The following CAMK1D variants were observed in gnomAD, a reference collection of about 807,000 sequenced individuals.
The protein encoded by CAMK1D is calcium/calmodulin-dependent protein kinase type 1D.
In CAMK1D, 9 loss-of-function variants were observed where a neutral mutation model predicts 47.7. The observed-to-expected ratio is 0.19, with a 90% confidence interval of 0.11 to 0.33. CAMK1D has a LOEUF of 0.33. Ranked by LOEUF, CAMK1D falls within the 10% of genes least tolerant of loss-of-function variation. The pLI is 1.00. For missense variants in CAMK1D, 291 were observed against 488.7 expected (o/e 0.60, Z 3.81); for synonymous variants, 184 against 184.9 (o/e 0.99, Z 0.04).
chr10:12,805,029 T>C (rs1179595581), intron 6 of CAMK1D, among the ~76,000 whole-genome samples: 1 of 150,710 alleles, frequency 6.6e-6, no homozygotes, highest in Non-Finnish European at 1.5e-5. Context: ...GGGAGGCCGA[T>C]GTAGGCGGAT....
chr10:12,683,317 C>G (rs1189898374), intron 3 of CAMK1D, among the ~76,000 whole-genome samples: 1 of 152,124 alleles, frequency 6.6e-6, no homozygotes, highest in Non-Finnish European at 1.5e-5. Flanking sequence ...AAACTCCTGA[C>G]TTAGGTGATT....
chr10:12,697,597 C>T (rs1235435358), intron 3 of CAMK1D, among the ~76,000 whole-genome samples: 2 of 152,188 alleles, frequency 1.3e-5, no homozygotes, highest in African/African-American at 4.8e-5. Context: ...CAGGGTTTCA[C>T]CATGTTGGCC....
chr10:12,405,076 G>A (rs1839370230), intron 1 of CAMK1D, among the ~76,000 whole-genome samples: 1 of 152,104 alleles, frequency 6.6e-6, no homozygotes, highest in Non-Finnish European at 1.5e-5. Context: ...CTGTTCTGGG[G>A]GTAAGACTGG....
chr10:12,466,854 C>T (rs1480418201), intron 1 of CAMK1D, among the ~76,000 whole-genome samples: 1 of 152,038 alleles, frequency 6.6e-6, no homozygotes, highest in African/African-American at 2.4e-5. Context: ...ACATCTGGTC[C>T]AGACAGATGA....
chr10:12,389,472 G>C (rs1175354817), intron 1 of CAMK1D, among the ~76,000 whole-genome samples: 1 of 152,120 alleles, frequency 6.6e-6, no homozygotes, highest in Non-Finnish European at 1.5e-5. Context: ...CAGGGTCGAG[G>C]GCTTGGAGCA....
At chr10:12,525,783 G>A (rs1247753263) in intron 1 of CAMK1D, among the ~76,000 whole-genome samples, 1 of 151,984 alleles carries the variant, frequency 6.6e-6, no homozygotes, top group African/African-American at 2.4e-5. Context: ...TTTGAGATAA[G>A]GTCTTGCTCT....
At chr10:12,405,738 T>C (rs1254612198) in intron 1 of CAMK1D, among the ~76,000 whole-genome samples, 3 of 152,306 alleles carry the variant, frequency 2.0e-5, no homozygotes, top group Non-Finnish European at 4.4e-5. Flanking sequence ...ACCCGTGATA[T>C]CAGCATGACA....
intron 1 of CAMK1D, among the ~76,000 whole-genome samples, chr10:12,390,414 G>A (rs1347811144): frequency 6.6e-6 from 1 of 152,108 alleles, no homozygotes; most frequent in Non-Finnish European, 1.5e-5. Context: ...TCTCATATAA[G>A]TAGAATTCTA....
chr10:12,623,629 A>G (rs1433070073), intron 2 of CAMK1D, among the ~76,000 whole-genome samples: 1 of 151,786 alleles, frequency 6.6e-6, no homozygotes, highest in South Asian at 2.1e-4. Context: ...AAACCGCATC[A>G]TGAAACAAAT....
intron 2 of CAMK1D, among the ~76,000 whole-genome samples, chr10:12,563,690 A>AGAGAGAGAGAGAGAGAGAGAGG (rs1564414460): frequency 1.5e-4 from 11 of 72,132 alleles, no homozygotes; most frequent in African/African-American, 3.4e-4. Context: ...AGAGAGAGAG[A>AGAGAGAGAGAGAGAGAGAGAGG]GAGAGAGAGG....
chr10:12,350,390 C>G (rs568326002), intron 1 of CAMK1D, among the ~76,000 whole-genome samples: 6 of 152,222 alleles, frequency 3.9e-5, no homozygotes, highest in Non-Finnish European at 8.8e-5. Context: ...TCTGCACGTA[C>G]GAGGTGTAGG....
intron 1 of CAMK1D, among the ~76,000 whole-genome samples, chr10:12,503,462 C>A (rs1006080499): frequency 2.6e-5 from 4 of 152,100 alleles, no homozygotes; most frequent in Non-Finnish European, 5.9e-5. Context: ...GAGGAGAGAG[C>A]AGGTGAGGCG....
chr10:12,603,935 T>C (rs1466138475), intron 2 of CAMK1D, among the ~76,000 whole-genome samples: 1 of 152,154 alleles, frequency 6.6e-6, no homozygotes, highest in Non-Finnish European at 1.5e-5. Flanking sequence ...TCTGGGAGTT[T>C]GCAGCACCTG....
In CAMK1D at chr10:12,349,930, G is replaced by T. The variant is rs369436424; in HGVS notation, c.92+20G>T. ...CGGAACGTAAGTGGGGACCGGGGAG[G>T]CGAGGGTGGAGGTGGCCGCGGCAGG... On this transcript the variant is annotated intron_variant, in intron 1 of 10. Transcript: ENST00000619168. 82 of 1,489,536 alleles carry T rather than the reference G, an allele frequency of 5.5e-5. No individual in the cohort carries two copies. Among genetic ancestry groups the T allele is most frequent in the Admixed American group, 1.2e-4 (6 of 50,950 alleles). The allele number at this position is 1,489,536 out of a possible 1,614,324, so 92.3% of individuals were successfully genotyped here.
chr10:12,435,875 T>A (rs1354910346), intron 1 of CAMK1D, among the ~76,000 whole-genome samples: 1 of 152,124 alleles, frequency 6.6e-6, no homozygotes, highest in Non-Finnish European at 1.5e-5. Flanking sequence ...AATGCATGAG[T>A]GGGTCCTTCC....
chr10:12,679,692 A>T (rs896315110), intron 3 of CAMK1D, among the ~76,000 whole-genome samples: 7 of 152,116 alleles, frequency 4.6e-5, no homozygotes, highest in Non-Finnish European at 1.5e-5. Flanking sequence ...AATTTCCATA[A>T]TGCTCCTTCT....
chr10:12,787,558 T>C (rs917058241), intron 5 of CAMK1D, among the ~76,000 whole-genome samples: 3 of 152,196 alleles, frequency 2.0e-5, no homozygotes, highest in African/African-American at 7.2e-5. Context: ...GCTGTCTTCC[T>C]TGGCTAGGGC....
intron 3 of CAMK1D, among the ~76,000 whole-genome samples, chr10:12,736,269 T>A (rs1406019219): frequency 6.6e-6 from 1 of 152,130 alleles, no homozygotes; most frequent in African/African-American, 2.4e-5. Context: ...TGCCCATGTG[T>A]CCTGTCTCCT....
chr10:12,732,231 ACT>A (rs1322410163), intron 3 of CAMK1D, among the ~76,000 whole-genome samples: 2 of 152,010 alleles, frequency 1.3e-5, no homozygotes, highest in African/African-American at 2.4e-5. Context: ...ACAGAGAAAG[ACT>A]CTGTCTAAAA....
Sources: allele counts gnomAD v4.1 joint callset (sites outside exome capture counted in the v4.1 genomes callset), GRCh38; gene constraint gnomAD v4.1.1; transcripts MANE v1.5; gene names NCBI Gene and HGNC (gene_info 2026-07-23, HGNC 2026-07-21).